The following FIRRM variants were observed in gnomAD, a reference collection of about 807,000 sequenced individuals.
FIRRM encodes FIGNL1 interacting regulator of recombination and mitosis.
the FIRRM span, chr1:169,853,900 A>G: frequency 1.0e-6 from 1 of 993,086 alleles, no homozygotes; most frequent in Non-Finnish European, 1.5e-6. Flanking sequence ...CGTACTAAGT[A>G]AAATAACTTA....
chr1:169,812,031 T>C, the FIRRM span, among the ~76,000 whole-genome samples: 3 of 152,372 alleles, frequency 2.0e-5, no homozygotes, highest in East Asian at 1.9e-4. Context: ...GGCATTAAGA[T>C]GCAAACTTTG....
the FIRRM span, chr1:169,795,087 C>G: frequency 2.8e-5 from 43 of 1,532,188 alleles, no homozygotes; most frequent in Non-Finnish European, 3.8e-5. Flanking sequence ...TTGAAGCTCT[C>G]CTGTTTGACG....
the FIRRM span, chr1:169,792,436 C>T: frequency 1.4e-6 from 1 of 709,374 alleles, no homozygotes; most frequent in South Asian, 2.4e-5. Flanking sequence ...AGACTGGTAA[C>T]ATAGCTCACT....
the FIRRM span, among the ~76,000 whole-genome samples, chr1:169,822,960 T>C: frequency 3.3e-5 from 5 of 151,798 alleles, no homozygotes; most frequent in East Asian, 9.7e-4. Flanking sequence ...TGTTAAGAAT[T>C]TTTTTTTAGT....
the FIRRM span, among the ~76,000 whole-genome samples, chr1:169,818,504 CA>C: frequency 9.2e-5 from 14 of 152,214 alleles, no homozygotes; most frequent in South Asian, 4.2e-4. Context: ...CTGTATTTCC[CA>C]GAAATTACTT....
At chr1:169,799,454 A>C in the FIRRM span, among the ~76,000 whole-genome samples, 1 of 152,216 alleles carries the variant, frequency 6.6e-6, no homozygotes, top group Non-Finnish European at 1.5e-5. Flanking sequence ...TAGACTGCTC[A>C]GTTTACTCAT....
chr1:169,820,390 TC>T, the FIRRM span, among the ~76,000 whole-genome samples: 1 of 152,122 alleles, frequency 6.6e-6, no homozygotes, highest in South Asian at 2.1e-4. Flanking sequence ...GCTCCCCACG[TC>T]CCATGATTCT....
the FIRRM span, among the ~76,000 whole-genome samples, chr1:169,789,335 T>G: frequency 2.0e-5 from 3 of 152,288 alleles, no homozygotes; most frequent in African/African-American, 4.8e-5. Context: ...GGTTTAATCT[T>G]CTCGAAAATC....
At chr1:169,830,029 T>C in the FIRRM span, among the ~76,000 whole-genome samples, 4 of 152,164 alleles carry the variant, frequency 2.6e-5, no homozygotes, top group African/African-American at 9.6e-5. Context: ...ACATTTAAAA[T>C]CATGTTGAAC....
At chr1:169,824,631 C>T in the FIRRM span, among the ~76,000 whole-genome samples, 1 of 152,242 alleles carries the variant, frequency 6.6e-6, no homozygotes, top group African/African-American at 2.4e-5. Flanking sequence ...GTGACCACCA[C>T]ATTGCTGCAT....
chr1:169,827,142 A>T, the FIRRM span: 1 of 1,613,838 alleles, frequency 6.2e-7, no homozygotes, highest in South Asian at 1.1e-5. Context: ...GGATCCACTT[A>T]TCAGTCAGCT....
the FIRRM span, chr1:169,802,496 T>TGATA: frequency 1.5e-5 from 9 of 586,504 alleles, no homozygotes; most frequent in Middle Eastern, 4.1e-4. Flanking sequence ...TTAAGCTAGA[T>TGATA]GATAGCCTGT....
the FIRRM span, among the ~76,000 whole-genome samples, chr1:169,827,552 C>T: frequency 4.6e-5 from 7 of 152,158 alleles, no homozygotes; most frequent in African/African-American, 1.7e-4. Flanking sequence ...ACAGGAGAAT[C>T]GCTTGAACCC....
At chr1:169,802,805 A>G in the FIRRM span, 7 of 737,476 alleles carry the variant, frequency 9.5e-6, no homozygotes, top group African/African-American at 3.5e-5. Context: ...CTGATTAGCT[A>G]TGTATTCTTA....
chr1:169,849,114 T>C, the FIRRM span, among the ~76,000 whole-genome samples: 2 of 152,092 alleles, frequency 1.3e-5, no homozygotes, highest in African/African-American at 2.4e-5. Context: ...GGAAGGAAGA[T>C]AGGGAATATG....
the FIRRM span, chr1:169,837,119 T>C: frequency 6.4e-7 from 1 of 1,571,988 alleles, no homozygotes. Context: ...TCTGGTAAGA[T>C]AATAATTTTG....
At chr1:169,790,012 A>C in the FIRRM span, among the ~76,000 whole-genome samples, 20 of 152,186 alleles carry the variant, frequency 1.3e-4, no homozygotes, top group Admixed American at 1.3e-3. Context: ...TTTTAACCCA[A>C]GTTATCATAA....
chr1:169,818,720 T>C, the FIRRM span, among the ~76,000 whole-genome samples: 3 of 152,210 alleles, frequency 2.0e-5, no homozygotes, highest in Non-Finnish European at 4.4e-5. Context: ...AGAGTCTTGC[T>C]CTGTTGCCCA....
At chr1:169,795,718 A>C in the FIRRM span, 2 of 985,394 alleles carry the variant, frequency 2.0e-6, no homozygotes, top group African/African-American at 3.5e-5. Flanking sequence ...TGTGGTGTGA[A>C]ATCTTTAAAA....
Sources: gnomAD v4.1 joint callset for allele counts (sites outside exome capture counted in the v4.1 genomes callset) on GRCh38, gnomAD v4.1.1 for gene constraint, MANE v1.5 for transcripts, NCBI Gene and HGNC (gene_info 2026-07-23, HGNC 2026-07-21) for gene names.